The following MYO3B variants were observed in gnomAD, a reference collection of about 807,000 sequenced individuals.
The protein encoded by MYO3B is myosin IIIB, also known as myosin-IIIb.
A neutral mutation model predicts 174.6 loss-of-function variants in MYO3B; 156 were observed. The observed-to-expected ratio is 0.89, with a 90% CI of 0.78 to 1.02. The LOEUF (loss-of-function observed/expected upper bound fraction) is 1.02. Ranked by LOEUF, MYO3B falls within the 50% of genes least tolerant of loss-of-function variation. MYO3B has a pLI of 0.00. For synonymous variants in MYO3B, 563 were observed against 569.1 expected, an observed-to-expected ratio of 0.99 and a Z score of 0.15; for missense variants, 1,632 against 1,639.4, an observed-to-expected ratio of 1.00 and a Z score of 0.08.
At chr2:170,376,651 A>G (rs6736264) in intron 9 of MYO3B, among the ~76,000 whole-genome samples, 4,557 of 149,036 alleles carry the variant, frequency 0.031, 232 homozygotes, top group African/African-American at 0.11. Flanking sequence ...TTCCTTTTCC[A>G]TCTGGAATCT....
intron 7 of MYO3B, among the ~76,000 whole-genome samples, chr2:170,297,153 C>T (rs1381111075): frequency 6.6e-6 from 1 of 152,098 alleles, no homozygotes; most frequent in Admixed American, 6.6e-5. Flanking sequence ...TTTTGATCTT[C>T]AATAAACTTT....
At chr2:170,352,262 A>G (rs1023728829) in intron 8 of MYO3B, among the ~76,000 whole-genome samples, 1 of 152,164 alleles carries the variant, frequency 6.6e-6, no homozygotes, top group African/African-American at 2.4e-5. Flanking sequence ...CTAGGCACGC[A>G]TAGGTTTTTG....
intron 32 of MYO3B, among the ~76,000 whole-genome samples, chr2:170,585,915 G>T (rs376025811): frequency 1.6e-4 from 25 of 152,244 alleles, no homozygotes; most frequent in African/African-American, 6.0e-4. Context: ...AAAGTTTGCC[G>T]GGCATGGTGG....
intron 14 of MYO3B, 73 bp from the exon 15 acceptor site, chr2:170,391,446 GA>G: frequency 1.5e-6 from 1 of 682,418 alleles, no homozygotes; most frequent in Non-Finnish European, 2.4e-6. Context: ...CTTTTGTACA[GA>G]AAGGAAATGG....
chr2:170,297,266 T>C (rs2093634772), intron 7 of MYO3B, among the ~76,000 whole-genome samples: 1 of 152,032 alleles, frequency 6.6e-6, no homozygotes, highest in African/African-American at 2.4e-5. Flanking sequence ...CCATATTTTA[T>C]AGGCCTGAAA....
chr2:170,270,474 C>T (rs1293002041), intron 7 of MYO3B, among the ~76,000 whole-genome samples: 1 of 152,186 alleles, frequency 6.6e-6, no homozygotes, highest in Non-Finnish European at 1.5e-5. Context: ...ACTCTGGACG[C>T]AGCTGGCTTA....
At chr2:170,269,855 A>G (rs2093413569) in intron 7 of MYO3B, among the ~76,000 whole-genome samples, 1 of 152,186 alleles carries the variant, frequency 6.6e-6, no homozygotes, top group Non-Finnish European at 1.5e-5. Context: ...AAGCCTTATT[A>G]AAACACAGAT....
intron 25 of MYO3B, among the ~76,000 whole-genome samples, chr2:170,476,605 CCTT>C (rs1477409625): frequency 9.2e-5 from 14 of 151,984 alleles, no homozygotes; most frequent in Non-Finnish European, 8.8e-5. Context: ...TTCAGATACT[CCTT>C]CTATTCTCTT....
At chr2:170,456,594 T>A (rs539024874) in intron 23 of MYO3B, among the ~76,000 whole-genome samples, 2 of 152,326 alleles carry the variant, frequency 1.3e-5, no homozygotes, top group African/African-American at 4.8e-5. Context: ...TTCTTACCAA[T>A]AAATAAAAAG....
chr2:170,271,421 T>A (rs981609054), intron 7 of MYO3B, among the ~76,000 whole-genome samples: 2 of 152,170 alleles, frequency 1.3e-5, no homozygotes, highest in African/African-American at 4.8e-5. Context: ...AACCATGAAA[T>A]GACTCTGTTA....
At chr2:170,555,958 G>A (rs1202942019) in intron 32 of MYO3B, among the ~76,000 whole-genome samples, 3 of 152,160 alleles carry the variant, frequency 2.0e-5, no homozygotes, top group African/African-American at 4.8e-5. Flanking sequence ...CACTTTGGGA[G>A]GCCAAGACAG....
intron 28 of MYO3B, among the ~76,000 whole-genome samples, chr2:170,510,154 G>A (rs1284800363): frequency 6.6e-6 from 1 of 152,144 alleles, no homozygotes; most frequent in Admixed American, 6.5e-5. Context: ...ACCAGCTATG[G>A]TCAGTGATGC....
intron 23 of MYO3B, among the ~76,000 whole-genome samples, chr2:170,458,760 G>A (rs796720553): frequency 3.3e-5 from 5 of 152,306 alleles, no homozygotes; most frequent in African/African-American, 9.6e-5. Flanking sequence ...GCAACTTCTG[G>A]TTTGTTCCTT....
intron 6 of MYO3B, among the ~76,000 whole-genome samples, chr2:170,233,311 C>T (rs1174981530): frequency 1.3e-5 from 2 of 152,218 alleles, no homozygotes; most frequent in Non-Finnish European, 2.9e-5. Flanking sequence ...TTGGCCATAG[C>T]TCCTATTGGG....
At position 170,463,358 on chromosome 2, in the gene MYO3B, A is replaced by G. The variant is rs376339144; in HGVS notation, c.2731-10A>G. On this transcript the variant is annotated splice_polypyrimidine_tract_variant and intron_variant, in intron 23 of 34. Coordinates refer to ENST00000408978, the MANE Select transcript of MYO3B (RefSeq NM_138995.5). Reference sequence around the variant, plus strand: ...ATCCTCAAACCACTTGCCTCCACCTATGCTTCCAGGTGGACACTCTGGAGG... The same window carrying G: ...ATCCTCAAACCACTTGCCTCCACCTGTGCTTCCAGGTGGACACTCTGGAGG... 4.1e-4 allele frequency: 667 copies of G among 1,612,156 alleles called. 1 individual carries two copies. The highest frequency in any genetic ancestry group is 4.6e-4 in the Non-Finnish European group (539 of 1,178,984).
intron 16 of MYO3B, among the ~76,000 whole-genome samples, chr2:170,393,250 AT>A (rs1455313596): frequency 6.6e-6 from 1 of 151,536 alleles, no homozygotes; most frequent in East Asian, 1.9e-4. Context: ...CACCTGACTA[AT>A]TTTTGTATTT....
intron 7 of MYO3B, among the ~76,000 whole-genome samples, chr2:170,267,973 C>T (rs935671536): frequency 5.9e-5 from 9 of 151,934 alleles, no homozygotes; most frequent in Non-Finnish European, 4.4e-5. Flanking sequence ...TTTGGGAGGC[C>T]GAGGCGGGTG....
chr2:170,466,805 T>C, intron 25 of MYO3B, 94 bp downstream of exon 25: 1 of 1,292,904 alleles, frequency 7.7e-7, no homozygotes, highest in African/African-American at 1.5e-5. Context: ...CGTGCTCTCC[T>C]CCAAACATGT....
At chr2:170,228,698 T>A (rs2092980051) in intron 6 of MYO3B, among the ~76,000 whole-genome samples, 1 of 152,102 alleles carries the variant, frequency 6.6e-6, no homozygotes, top group African/African-American at 2.4e-5. Context: ...GTGCTTTGAG[T>A]GTTTTTAATT....
Sources: allele counts gnomAD v4.1 joint callset (sites outside exome capture counted in the v4.1 genomes callset), GRCh38; gene constraint gnomAD v4.1.1; transcripts MANE v1.5; gene names NCBI Gene and HGNC (gene_info 2026-07-23, HGNC 2026-07-21).